Variants in UBTF observed in about 807,000 individuals in gnomAD.
UBTF encodes nucleolar transcription factor 1.
A neutral mutation model predicts 112.3 loss-of-function variants in UBTF; 8 were observed. That is an observed-to-expected ratio of 0.07 (90% confidence interval 0.04 to 0.13). The LOEUF (loss-of-function observed/expected upper bound fraction) is 0.13, where lower values mean the gene tolerates loss of function less well. Among genes scored for constraint, UBTF ranks in the 10% least tolerant of loss-of-function variants. The pLI, the probability that UBTF is intolerant of heterozygous loss-of-function variation, is 1.00. For synonymous variants in UBTF, 417 were observed against 373.1 expected (o/e 1.12, Z -1.36); for missense variants, 457 against 982.1 (o/e 0.47, Z 7.15).
upstream of UBTF, among the ~76,000 whole-genome samples, chr17:44,220,496 T>C (rs1463860385): frequency 7.9e-6 from 1 of 126,112 alleles, no homozygotes; most frequent in African/African-American, 4.2e-5. Context: ...GAACGGCACA[T>C]ACGAAACTTA....
intron 17 of UBTF, chr17:44,208,649 C>T (rs2056436344): frequency 6.2e-6 from 1 of 160,064 alleles, no homozygotes; most frequent in African/African-American, 2.4e-5. Flanking sequence ...TCCCCACAGT[C>T]TTCCTGGGTC....
intron 1 of UBTF, chr17:44,218,548 C>T (rs1433188353): frequency 3.3e-6 from 1 of 298,528 alleles, no homozygotes; most frequent in Non-Finnish European, 6.0e-6. Context: ...TCCTAGCTCC[C>T]GCGTGCAGCG....
chr17:44,210,721 C>A, intron 13 of UBTF, 71 bp downstream of exon 13: 1 of 1,535,112 alleles, frequency 6.5e-7, no homozygotes, highest in Non-Finnish European at 8.8e-7. Flanking sequence ...CGAGGTGGCA[C>A]GGCCCGCCAA....
At chr17:44,212,714 G>A in intron 7 of UBTF, 105 bp downstream of exon 7, 1 of 1,549,970 alleles carries the variant, frequency 6.5e-7, no homozygotes, top group Non-Finnish European at 8.7e-7. Context: ...CCTGGGGAGG[G>A]GCCTCCTCTC....
At chr17:44,209,589 C>A (rs750616256) in intron 16 of UBTF, 48 bp from the exon 17 acceptor site, 5 of 1,613,100 alleles carry the variant, frequency 3.1e-6, no homozygotes, top group Non-Finnish European at 4.2e-6. Context: ...AACAAAGCAG[C>A]CATCCAGCCC....
chr17:44,216,724 G>A lies in UBTF; in HGVS notation c.59-20C>T, dbSNP rs1438002907. 2 of 1,613,250 alleles carry A rather than the reference G, an allele frequency of 1.2e-6. No homozygotes were observed. The highest frequency in any genetic ancestry group is 1.7e-5 in the Admixed American group (1 of 60,022). On this transcript the variant is annotated intron_variant, in intron 2 of 20. Coordinates refer to ENST00000436088, the MANE Select transcript of UBTF (RefSeq NM_014233.4). ...AACGGTCTGGTAAAGAGTAACAGAG[G>A]CCATCATGCCTGGCTCATGCTATCC... is the stretch of plus-strand genomic sequence containing the variant.
At position 44,207,307 on chromosome 17, in the gene UBTF, CATT is replaced by C. The variant is rs1264175938; in HGVS notation, c.2227_2229del (p.Asn743del). 3 of 1,612,922 alleles carry C rather than the reference CATT, an allele frequency of 1.9e-6. No individual in the cohort carries two copies. The highest frequency in any genetic ancestry group is 2.5e-6 in the Non-Finnish European group (3 of 1,179,558). On this transcript the variant is annotated inframe_deletion, in exon 21 of 21. Coordinates refer to ENST00000436088, the MANE Select transcript of UBTF (RefSeq NM_014233.4). ...GAGCTGGAGCTGCTGCCCTCGGACT[CATT>C]ATCTTCATCCTCATCGTCATCCTCG...
At chr17:44,221,186 C>G (rs2047170906), upstream of UBTF, 1 of 152,242 alleles carries the variant, frequency 6.6e-6, no homozygotes, top group East Asian at 1.9e-4. Flanking sequence ...ATTTCTGCCC[C>G]CAGCTCGCAC....
At position 44,218,209 on chromosome 17, in the gene UBTF, G is replaced by T; in HGVS notation, c.21C>A (p.Cys7Ter). MNGEAD[C>*]PTDLEMAAPK... is the part of the protein sequence containing the mutation. ...GGGCGGCCATTTCCAGGTCTGTGGG[G>T]CAGTCGGCTTCTCCGTTCATCCTCC... is the stretch of plus-strand genomic sequence containing the variant. The change falls in exon 2 of 21, where the codon TGC becomes TGA. Residue 7 changes from cysteine (C) to a stop codon, truncating the protein, a stop_gained. Transcript: ENST00000436088. LOFTEE classifies it high-confidence loss of function. The T allele has an allele frequency of 6.2e-7, 1 of 1,612,160 alleles. No individual in the cohort carries two copies.
Position 44,211,713 on chromosome 17 carries a change from C to T in UBTF, c.940G>A (p.Ala314Thr). The T allele has an allele frequency of 1.2e-6, 2 of 1,608,954 alleles. No homozygotes were observed. Among genetic ancestry groups the T allele is most frequent in the Non-Finnish European group, 1.7e-6 (2 of 1,179,972 alleles). ...SYSLYCAELM[A>T]NMKDVPSTER... is the part of the protein sequence containing the mutation. ...GTGCTGGGCACGTCCTTCATGTTGG[C>T]CATGAGCTCTGCGCAGTACAGCGAG... is the stretch of plus-strand genomic sequence containing the variant. Residue 314 changes from alanine (A) to threonine (T), a missense_variant, in exon 10 of 21, where the codon GCC (alanine) becomes ACC (threonine). Physicochemically the swap from Ala to Thr is moderately conservative, Grantham distance 58 (BLOSUM62 0). Around this residue, in one of 7 missense-constraint regions of UBTF, gnomAD observed 87 missense variants for 286.6 expected, o/e 0.30. Transcript: ENST00000436088. The surrounding 1 kb of genome is among the most constrained non-coding windows in gnomAD (Gnocchi z 4.9).
chr17:44,218,756 T>G (rs1598273187), intron 1 of UBTF, among the ~76,000 whole-genome samples: 13 of 141,788 alleles, frequency 9.2e-5, no homozygotes, highest in South Asian at 4.8e-4. Flanking sequence ...CCCCGGCCGG[T>G]TCCCCCCGCC....
intron 8 of UBTF, 63 bp downstream of exon 8, chr17:44,212,281 A>ACGGAGT: frequency 7.0e-7 from 1 of 1,420,292 alleles, no homozygotes; most frequent in Non-Finnish European, 9.9e-7. Flanking sequence ...TGCGGTGGCC[A>ACGGAGT]CGGAGTCGGA....
intron 17 of UBTF, chr17:44,208,826 CTACT>C (rs1458467781): frequency 1.4e-5 from 4 of 282,090 alleles, no homozygotes; most frequent in Non-Finnish European, 2.8e-5. Context: ...TTGGATTCTT[CTACT>C]TACTGTGTGA....
Position 44,219,655 on chromosome 17 carries a change from G to A in UBTF, c.-278C>T. ...GCGGCGGCTGTGGCTGCTGCCTGCT[G>A]CTCCTCGCGGCGAAAAGCACAAAGC... On this transcript the variant is annotated 5_prime_UTR_variant, in exon 1 of 21. Transcript: ENST00000436088. 6.3e-6 allele frequency: 1 copy of A among 158,324 alleles called. No individual in the cohort carries two copies. The allele number at this position is 158,324 out of a possible 1,614,324, so 9.8% of individuals were successfully genotyped here.
chr17:44,209,114 A>ATAT, intron 17 of UBTF: 1 of 396,520 alleles, frequency 2.5e-6, no homozygotes, highest in South Asian at 3.5e-5. Flanking sequence ...GGTTGCAGTG[A>ATAT]GCCGAGACTA....
chr17:44,212,085 G>A (rs1356204346), intron 8 of UBTF, 79 bp from the exon 9 acceptor site: 25 of 1,505,978 alleles, frequency 1.7e-5, no homozygotes, highest in Non-Finnish European at 2.3e-5. Flanking sequence ...AGCCGCTGGG[G>A]AGGGCAGGCA....
chr17:44,209,405 G>A lies in UBTF; in HGVS notation c.1852C>T (p.Leu618=), dbSNP rs762575874. The stretch of plus-strand genomic sequence containing the variant: ...TACTGCTTTTGCTGCTCCTCGGCCA[G>A]CTTTTTGTAGTGCTCCTTCTGGCTC... ...SQSQKEHYKK[L]AEEQQKQYKV... is the part of the protein sequence containing the mutation. Residue 618 remains leucine, a synonymous_variant, in exon 17 of 21, where the codon CTG becomes TTG. Coordinates refer to ENST00000436088, the MANE Select transcript of UBTF (RefSeq NM_014233.4). 1.3e-5 allele frequency: 21 copies of A among 1,613,876 alleles called. No homozygotes were observed. The Admixed American group carries it at 2.5e-4, about 19-fold the overall frequency.
rs946929656 is a variant in UBTF, at chr17:44,210,446, G to A, written c.1387C>T (p.Leu463Phe). ...KAKYKAREAA[L>F]KAQSERKPGG... ...GGCTTCCTCTCCGACTGAGCCTTGA[G>A]CGCCGCCTCTCGGGCCTTGTACTTG... The change falls in exon 14 of 21, where the codon CTC becomes TTC. Residue 463 changes from leucine (L) to phenylalanine (F), a missense_variant. Leu to Phe is a conservative substitution (Grantham distance 22). Transcript: ENST00000436088. The A allele has an allele frequency of 6.2e-7, 1 of 1,612,944 alleles. No homozygotes were observed. The highest frequency in any genetic ancestry group is 1.3e-5 in the African/African-American group (1 of 75,052).
In UBTF at chr17:44,210,399, C is replaced by A; in HGVS notation, c.1434G>T (p.Arg478=). 1.9e-6 allele frequency: 3 copies of A among 1,614,154 alleles called. No homozygotes were observed. The highest frequency in any genetic ancestry group is 2.5e-6 in the Non-Finnish European group (3 of 1,180,032). Residue 478 remains arginine (R), a synonymous_variant, in exon 14 of 21, where the codon CGG becomes CGT. Transcript: ENST00000436088. ...TTTTGGGGGACTCGGGCAGCTTGCC[C>A]CGTTCCTCGCGCTCCCCGCCGGGCT... ...ERKPGGEREE[R]GKLPESPKRA... is the part of the protein sequence containing the mutation.
Sources: gnomAD v4.1 joint callset for allele counts (sites outside exome capture counted in the v4.1 genomes callset) on GRCh38, gnomAD v4.1.1 for gene constraint, gnomAD v4.1.1 regional missense constraint, Gnocchi (gnomAD v3.1) non-coding constraint, MANE v1.5 for transcripts, NCBI Gene and HGNC (gene_info 2026-07-23, HGNC 2026-07-21) for gene names.